Variants in CSMD1 observed in about 807,000 individuals in gnomAD.
CSMD1 encodes CUB and sushi domain-containing protein 1.
Under a neutral mutation model 417.5 loss-of-function variants are expected in CSMD1, and 213 were observed. The ratio of observed to expected loss-of-function variants is 0.51; its 90% CI spans 0.46 to 0.57. The LOEUF is 0.57. Among genes scored for constraint, CSMD1 ranks in the 20% least tolerant of loss-of-function variants. CSMD1 has a pLI of 0.00. For synonymous variants in CSMD1, 2,862 were observed against 1,736.8 expected, an observed-to-expected ratio of 1.65 and a Z score of -16.11; for missense variants, 6,923 against 4,529.7, an observed-to-expected ratio of 1.53 and a Z score of -15.17.
At chr8:4,494,765 T>G (rs942172660) in intron 2 of CSMD1, among the ~76,000 whole-genome samples, 1 of 152,308 alleles carries the variant, frequency 6.6e-6, no homozygotes, top group Non-Finnish European at 1.5e-5. Context: ...GATTACCTAT[T>G]CTCTATCATG....
At chr8:4,680,094 C>G (rs1372156837) in intron 1 of CSMD1, among the ~76,000 whole-genome samples, 3 of 152,104 alleles carry the variant, frequency 2.0e-5, no homozygotes, top group Non-Finnish European at 1.5e-5. Context: ...ATATATTTCA[C>G]AAATCATAGA....
intron 2 of CSMD1, among the ~76,000 whole-genome samples, chr8:4,583,436 ATCGACAC>A (rs1799543073): frequency 6.6e-6 from 1 of 151,998 alleles, no homozygotes; most frequent in African/African-American, 2.4e-5. Context: ...GAGTGCACCA[ATCGACAC>A]TCTGTATCTA....
intron 3 of CSMD1, among the ~76,000 whole-genome samples, chr8:4,135,606 T>G (rs766730163): frequency 1.3e-5 from 2 of 152,112 alleles, no homozygotes; most frequent in African/African-American, 2.4e-5. Context: ...AGAGGAAAAT[T>G]TAGTTTGCAC....
rs147114040 is a variant in CSMD1, at chr8:4,138,330, T to G, written c.416-106231A>C. On this transcript the variant is annotated intron_variant, in intron 3 of 69. Transcript: ENST00000635120. The stretch of plus-strand genomic sequence containing the variant: ...ACACTTCAGAGTTGAGATTTACACA[T>G]TTGAGTTGTGGCAAAGCTGGGGCAA... 5.4e-3 allele frequency among the ~76,000 whole-genome samples: 517 copies of G among 96,512 alleles called. 6 individuals carry two copies. The highest frequency in any genetic ancestry group is 9.7e-3 in the Non-Finnish European group (354 of 36,370). The allele number at this position is 96,512 out of a possible 152,430, so 63.3% of individuals were successfully genotyped here. A position where few individuals can be genotyped will look rare whatever the true frequency, so the allele number is the denominator to read the frequency against.
intron 3 of CSMD1, among the ~76,000 whole-genome samples, chr8:4,124,195 C>A (rs1001057385): frequency 1.3e-5 from 2 of 151,990 alleles, no homozygotes; most frequent in African/African-American, 4.8e-5. Flanking sequence ...GTGGGCAGTA[C>A]GACCAGGAGG....
intron 12 of CSMD1, among the ~76,000 whole-genome samples, chr8:3,415,248 C>A (rs187738707): frequency 1.3e-5 from 2 of 152,150 alleles, no homozygotes; most frequent in African/African-American, 2.4e-5. Flanking sequence ...TTACATACTT[C>A]TGATTTTTTT....
intron 3 of CSMD1, among the ~76,000 whole-genome samples, chr8:4,258,876 C>G (rs925333843): frequency 5.9e-5 from 9 of 152,172 alleles, no homozygotes; most frequent in African/African-American, 2.2e-4. Flanking sequence ...TCATCTCTAC[C>G]TGGCCGTGCC....
At chr8:3,139,872 G>GT (rs1054439865) in intron 41 of CSMD1, among the ~76,000 whole-genome samples, 8 of 149,378 alleles carry the variant, frequency 5.4e-5, no homozygotes, top group Admixed American at 1.3e-4. Flanking sequence ...ATAGATTACC[G>GT]TTTTTTTTCT....
At chr8:4,130,184 T>C (rs1803011639) in intron 3 of CSMD1, among the ~76,000 whole-genome samples, 1 of 152,172 alleles carries the variant, frequency 6.6e-6, no homozygotes, top group Non-Finnish European at 1.5e-5. Flanking sequence ...CTTAGTTCTT[T>C]CTTTCTCTTG....
At chr8:4,969,458 C>A (rs1205138518) in intron 1 of CSMD1, among the ~76,000 whole-genome samples, 1 of 151,664 alleles carries the variant, frequency 6.6e-6, no homozygotes, top group African/African-American at 2.4e-5. Context: ...GAAAATCTTT[C>A]TATTCATATT....
At chr8:4,567,106 G>T (rs1007861276) in intron 2 of CSMD1, among the ~76,000 whole-genome samples, 13 of 138,522 alleles carry the variant, frequency 9.4e-5, no homozygotes, top group Admixed American at 2.0e-4. Context: ...AAAATGTATG[G>T]CTTTGAAAAT....
intron 23 of CSMD1, among the ~76,000 whole-genome samples, chr8:3,311,170 T>C (rs1034921672): frequency 6.6e-6 from 1 of 152,210 alleles, no homozygotes; most frequent in Non-Finnish European, 1.5e-5. Flanking sequence ...TGGCCTATAG[T>C]TGTGGAAAAT....
In CSMD1 at chr8:3,249,578, A is replaced by G. The variant is rs187151813; in HGVS notation, c.4154-19347T>C. On this transcript the variant is annotated intron_variant, in intron 26 of 69. Coordinates refer to ENST00000635120, the MANE Select transcript of CSMD1 (RefSeq NM_033225.6). ...ACTCAAATGATCAAGTCTCAAAAAAATAAGTTTACAATCGTATAAATACAC... is the reference window on the plus strand; with the variant it reads ...ACTCAAATGATCAAGTCTCAAAAAAGTAAGTTTACAATCGTATAAATACAC... Among the ~76,000 whole-genome samples the G allele has an allele frequency of 8.5e-5, 13 of 152,162 alleles. No homozygotes were observed. In the East Asian group the frequency reaches 2.5e-3, roughly 29 times the overall value.
chr8:4,687,836 TACACACACACAC>T (rs35687334), intron 1 of CSMD1, among the ~76,000 whole-genome samples: 12 of 149,196 alleles, frequency 8.0e-5, no homozygotes, highest in Admixed American at 1.3e-4. Flanking sequence ...CATACATACA[TACACACACACAC>T]ACACACACAC....
chr8:4,897,756 A>G (rs1585285260), intron 1 of CSMD1, among the ~76,000 whole-genome samples: 1 of 152,098 alleles, frequency 6.6e-6, no homozygotes, highest in Non-Finnish European at 1.5e-5. Flanking sequence ...CTGTTACTGC[A>G]TTATGTTATT....
chr8:4,219,297 G>C (rs548106820), intron 3 of CSMD1, among the ~76,000 whole-genome samples: 1 of 152,256 alleles, frequency 6.6e-6, no homozygotes, highest in South Asian at 2.1e-4. Flanking sequence ...TCAAATGCAG[G>C]TCTTTTCTTC....
At chr8:3,668,868 G>T (rs983899666) in intron 7 of CSMD1, among the ~76,000 whole-genome samples, 7 of 152,140 alleles carry the variant, frequency 4.6e-5, no homozygotes, top group Non-Finnish European at 1.0e-4. Context: ...TGCTCTGGTG[G>T]CTATCAGCCT....
chr8:4,495,892 T>A (rs1367827884), intron 2 of CSMD1, among the ~76,000 whole-genome samples: 3 of 152,180 alleles, frequency 2.0e-5, no homozygotes, highest in Non-Finnish European at 4.4e-5. Flanking sequence ...TTTTGCTCCA[T>A]CTTACCCTCC....
intron 2 of CSMD1, among the ~76,000 whole-genome samples, chr8:4,489,781 C>T (rs1330252581): frequency 6.6e-6 from 1 of 152,146 alleles, no homozygotes; most frequent in African/African-American, 2.4e-5. Context: ...AAAAGCAGAT[C>T]CTTCTTTAGT....
Sources: gnomAD v4.1 joint callset for allele counts (sites outside exome capture counted in the v4.1 genomes callset) on GRCh38, gnomAD v4.1.1 for gene constraint, MANE v1.5 for transcripts, NCBI Gene and HGNC (gene_info 2026-07-23, HGNC 2026-07-21) for gene names.